Variants in SF3A2 observed in about 807,000 individuals in gnomAD.
The protein encoded by SF3A2 is SAP 62.
A neutral mutation model predicts 31.1 loss-of-function variants in SF3A2; 5 were observed. The ratio of observed to expected loss-of-function variants is 0.16; its 90% CI spans 0.08 to 0.34. SF3A2 has a LOEUF of 0.34. Ranked by LOEUF, SF3A2 falls within the 10% of genes least tolerant of loss-of-function variation. SF3A2 has a pLI of 1.00. For synonymous variants in SF3A2, 365 were observed against 263.7 expected (o/e 1.38, Z -3.72); for missense variants, 577 against 643.9 (o/e 0.90, Z 1.13).
chr19:2,247,109 C>A, intron 7 of SF3A2, 87 bp downstream of exon 7: 3 of 1,538,484 alleles, frequency 1.9e-6, no homozygotes, highest in Non-Finnish European at 2.6e-6. Context: ...CCCCTCCCAT[C>A]GGGCTTGGGG....
chr19:2,240,253 C>T (rs559287891), intron 1 of SF3A2, among the ~76,000 whole-genome samples: 80 of 152,378 alleles, frequency 5.3e-4, no homozygotes, highest in Middle Eastern at 3.4e-3. Context: ...AGACTTCCCG[C>T]TGCCCAGGCG....
In SF3A2 at chr19:2,245,800, C is replaced by T. The variant is rs941527868; in HGVS notation, c.355+245C>T. On this transcript the variant is annotated intron_variant, in intron 5 of 8. Coordinates refer to ENST00000221494, the MANE Select transcript of SF3A2 (RefSeq NM_007165.5). This position sits in a 1 kb window ranked among gnomAD's most constrained non-coding sequence, Gnocchi z 4.2. ...CCAGCTGAGCCACAGTCTGTGCCCTCCTGTCCGGGTCTTGTGGAAGCTTCT... is the reference window on the plus strand; with the variant it reads ...CCAGCTGAGCCACAGTCTGTGCCCTTCTGTCCGGGTCTTGTGGAAGCTTCT... The T allele has an allele frequency of 4.4e-5, 24 of 546,262 alleles. No individual in the cohort carries two copies. In the African/African-American group the frequency reaches 4.6e-4, roughly 10 times the overall value. The allele number at this position is 546,262 out of a possible 1,614,324, so 33.8% of individuals were successfully genotyped here.
At chr19:2,241,938 T>TGCGGC (rs2024893250) in intron 1 of SF3A2, among the ~76,000 whole-genome samples, 1 of 152,208 alleles carries the variant, frequency 6.6e-6, no homozygotes, top group Non-Finnish European at 1.5e-5. Context: ...GAGGTCCACC[T>TGCGGC]CACCAGTTAC....
In SF3A2 at chr19:2,246,666, C is replaced by T. The variant is rs1481579952; in HGVS notation, c.356-87C>T. On this transcript the variant is annotated intron_variant, in intron 5 of 8. Coordinates refer to ENST00000221494, the MANE Select transcript of SF3A2 (RefSeq NM_007165.5). The surrounding 1 kb of genome is among the most constrained non-coding windows in gnomAD (Gnocchi z 5.5). The stretch of plus-strand genomic sequence containing the variant: ...AGGGCCTCCCCCGGGGTCCCGCTCT[C>T]GTTCAGTGGGTGGCATTAGCCTGCC... 4.0e-5 allele frequency: 61 copies of T among 1,515,394 alleles called. No homozygotes were observed. The highest frequency in any genetic ancestry group is 5.7e-5 in the South Asian group (5 of 87,424). The allele number at this position is 1,515,394 out of a possible 1,614,324, so 93.9% of individuals were successfully genotyped here. A position where few individuals can be genotyped will look rare whatever the true frequency, so the allele number is the denominator to read the frequency against.
At chr19:2,239,179 A>G (rs1417573511) in intron 1 of SF3A2, among the ~76,000 whole-genome samples, 4 of 152,160 alleles carry the variant, frequency 2.6e-5, no homozygotes, top group African/African-American at 9.7e-5. Flanking sequence ...AGCCTCGCCA[A>G]CCTGGCGAAA....
chr19:2,242,688 C>T (rs1023696369), intron 1 of SF3A2, among the ~76,000 whole-genome samples: 2 of 152,196 alleles, frequency 1.3e-5, no homozygotes, highest in African/African-American at 4.8e-5. Context: ...AAGGGAAAGA[C>T]TACCAGGAGA....
intron 1 of SF3A2, among the ~76,000 whole-genome samples, chr19:2,239,220 C>G (rs568429005): frequency 6.6e-6 from 1 of 152,248 alleles, no homozygotes; most frequent in East Asian, 1.9e-4. Context: ...TAAAAATTTG[C>G]CAGGCGTTTT....
intron 1 of SF3A2, among the ~76,000 whole-genome samples, chr19:2,239,374 A>AG (rs1279308735): frequency 2.0e-5 from 3 of 149,314 alleles, no homozygotes; most frequent in Admixed American, 6.6e-5. Flanking sequence ...AAAAAAAAAA[A>AG]AGAGAGAGAA....
At chr19:2,236,992 G>C (rs1044190422) in intron 1 of SF3A2, 91 bp downstream of exon 1, 1 of 152,078 alleles carries the variant, frequency 6.6e-6, no homozygotes, top group Non-Finnish European at 1.5e-5. Context: ...GCTTGCGACA[G>C]GCCGCGGGCC....
chr19:2,237,384 G>C (rs986688958), intron 1 of SF3A2: 1 of 137,700 alleles, frequency 7.3e-6, no homozygotes, highest in Non-Finnish European at 1.5e-5. Context: ...TCCAGCCTGG[G>C]CAACATAGCG....
Position 2,248,399 on chromosome 19 carries a change from G to A in SF3A2, c.1248G>A (p.Pro416=), listed in dbSNP as rs758740961. ...ACCCCCAACCTCCCGGGGTCCATCC[G>A]TCGGCTCCTGGGGTCCACCCTCAGC... The part of the protein sequence containing the change: ...GVHPQPPGVH[P]SAPGVHPQPP... The change falls in exon 9 of 9, where the codon CCG becomes CCA. Residue 416 remains proline (P), a synonymous_variant. Transcript: ENST00000221494. 32 of 1,365,156 alleles carry A rather than the reference G, an allele frequency of 2.3e-5. No individual in the cohort carries two copies. The Admixed American group carries it at 7.1e-4, about 30-fold the overall frequency. The allele number at this position is 1,365,156 out of a possible 1,614,324, so 84.6% of individuals were successfully genotyped here.
intron 1 of SF3A2, among the ~76,000 whole-genome samples, chr19:2,237,104 C>T (rs575453510): frequency 5.9e-5 from 9 of 151,972 alleles, no homozygotes; most frequent in African/African-American, 2.2e-4. Flanking sequence ...GTCGGGCCCG[C>T]CAGGAACTCT....
At position 2,246,993 on chromosome 19, in the gene SF3A2, G is replaced by A. The variant is rs755646271; in HGVS notation, c.517G>A (p.Ala173Thr). ...GCGCTGGCAGTACCTGCTCATGGCCGCCGAGCCCTACGAGACCATTGCCTT... is the reference window on the plus strand; with the variant it reads ...GCGCTGGCAGTACCTGCTCATGGCCACCGAGCCCTACGAGACCATTGCCTT... ...DRRWQYLLMA[A>T]EPYETIAFKV... The change falls in exon 7 of 9, where the codon GCC (alanine) becomes ACC (threonine). Residue 173 changes from alanine to threonine, a missense_variant. Physicochemically the swap from Ala to Thr is moderately conservative, Grantham distance 58 (BLOSUM62 0). Transcript: ENST00000221494. The surrounding 1 kb of genome is among the most constrained non-coding windows in gnomAD (Gnocchi z 5.5). 15 of 1,605,370 alleles carry A rather than the reference G, an allele frequency of 9.3e-6. No homozygotes were observed. The highest frequency in any genetic ancestry group is 3.3e-4 in the Middle Eastern group (2 of 6,068).
chr19:2,241,252 G>C (rs1029532175), intron 1 of SF3A2, among the ~76,000 whole-genome samples: 2 of 152,116 alleles, frequency 1.3e-5, no homozygotes, highest in African/African-American at 4.8e-5. Flanking sequence ...CCCCTCCTGG[G>C]TTCTTGGAGT....
At position 2,245,873 on chromosome 19, in the gene SF3A2, C is replaced by T; in HGVS notation, c.355+318C>T. The T allele has an allele frequency of 7.8e-6, 3 of 384,130 alleles. No homozygotes were observed. Among genetic ancestry groups the T allele is most frequent in the Non-Finnish European group, 9.6e-6 (2 of 208,008 alleles). 23.8% of individuals were successfully genotyped at this position (384,130 alleles called of 1,614,324 possible). On this transcript the variant is annotated intron_variant, in intron 5 of 8. Transcript: ENST00000221494. This position sits in a 1 kb window ranked among gnomAD's most constrained non-coding sequence, Gnocchi z 4.2. ...AGTGGAAGTGGAGGTGTGGTGAGCC[C>T]TGGCACATCCCTCCGGTTAACCTTG... is the stretch of plus-strand genomic sequence containing the variant.
At chr19:2,242,543 G>A (rs545712961) in intron 1 of SF3A2, among the ~76,000 whole-genome samples, 1 of 152,306 alleles carries the variant, frequency 6.6e-6, no homozygotes, top group Non-Finnish European at 1.5e-5. Context: ...GCCATGAGGG[G>A]ACATGTTCAC....
At chr19:2,243,852 G>A (rs1279915740) in intron 2 of SF3A2, among the ~76,000 whole-genome samples, 1 of 152,242 alleles carries the variant, frequency 6.6e-6, no homozygotes, top group Admixed American at 6.5e-5. Context: ...GTGAAGGGCA[G>A]CCTTTGATTT....
chr19:2,237,093 G>C (rs975215203), intron 1 of SF3A2, 192 bp downstream of exon 1: 1 of 151,990 alleles, frequency 6.6e-6, no homozygotes, highest in Non-Finnish European at 1.5e-5. Flanking sequence ...GGGCCTGGAG[G>C]GTCGGGCCCG....
Position 2,248,559 on chromosome 19 carries a change from T to C in SF3A2, c.*13T>C. 2 of 877,326 alleles carry C rather than the reference T, an allele frequency of 2.3e-6. No individual in the cohort carries two copies. Among genetic ancestry groups the C allele is most frequent in the South Asian group, 4.1e-5 (1 of 24,608 alleles). 54.3% of individuals were successfully genotyped at this position (877,326 alleles called of 1,614,324 possible). A position where few individuals can be genotyped will look rare whatever the true frequency, so the allele number is the denominator to read the frequency against. On this transcript the variant is annotated 3_prime_UTR_variant, in exon 9 of 9. Coordinates refer to ENST00000221494, the MANE Select transcript of SF3A2 (RefSeq NM_007165.5). Reference sequence around the variant, plus strand: ...CCCAACCAACTGAGAAGCTGCTCCCTCCCCCAGCAAGCCCAGCGCCAGGTG... The same window carrying C: ...CCCAACCAACTGAGAAGCTGCTCCCCCCCCCAGCAAGCCCAGCGCCAGGTG...
Sources: allele counts gnomAD v4.1 joint callset (sites outside exome capture counted in the v4.1 genomes callset), GRCh38; gene constraint gnomAD v4.1.1; non-coding constraint Gnocchi (gnomAD v3.1); transcripts MANE v1.5; gene names NCBI Gene and HGNC (gene_info 2026-07-23, HGNC 2026-07-21).